INVS: variants seen among roughly 807,000 people sequenced by gnomAD.
INVS encodes inversion of embryo turning homolog.
Under a neutral mutation model 108.8 loss-of-function variants are expected in INVS, and 86 were observed. That is an observed-to-expected ratio of 0.79 (90% CI 0.66 to 0.95). The LOEUF (loss-of-function observed/expected upper bound fraction) is 0.95, where lower values mean the gene tolerates loss of function less well. INVS is among the 40% of genes least tolerant of loss of function. The pLI is 0.00. For synonymous variants in INVS, 455 were observed against 473.5 expected, an observed-to-expected ratio of 0.96 and a Z score of 0.51; for missense variants, 1,169 against 1,297.4, an observed-to-expected ratio of 0.90 and a Z score of 1.52.
intron 16 of INVS, among the ~76,000 whole-genome samples, chr9:100,299,481 C>T (rs547825161): frequency 5.9e-4 from 90 of 151,344 alleles, no homozygotes; most frequent in African/African-American, 2.2e-3. Context: ...TCAATCCCTG[C>T]TCATGTCAGT....
In INVS at chr9:100,240,178, G is replaced by T. The variant is rs779839073; in HGVS notation, c.734G>T (p.Ser245Ile). 12 of 1,613,922 alleles carry T rather than the reference G, an allele frequency of 7.4e-6. No homozygotes were observed. Among genetic ancestry groups the T allele is most frequent in the Admixed American group, 1.7e-5 (1 of 59,990 alleles). ...GTTGATGTCTTGACCTCATATGAAAGCTGCAATATAACGTCTTATGATAAC... is the reference window on the plus strand; with the variant it reads ...GTTGATGTCTTGACCTCATATGAAATCTGCAATATAACGTCTTATGATAAC... ...TVVDVLTSYE[S>I]CNITSYDNLF... The change falls in exon 6 of 17, where the codon AGC becomes ATC. Residue 245 changes from serine to isoleucine, a missense_variant. Ser to Ile is a moderately radical substitution (Grantham distance 142, BLOSUM62 -2). This residue lies in a region of INVS where 365 missense variants were observed against 397.5 expected (regional missense o/e 0.92). Coordinates refer to ENST00000262457, the MANE Select transcript of INVS (RefSeq NM_014425.5).
At chr9:100,196,914 C>A (rs971055108) in intron 3 of INVS, among the ~76,000 whole-genome samples, 1 of 152,182 alleles carries the variant, frequency 6.6e-6, no homozygotes, top group South Asian at 2.1e-4. Context: ...TCACTCGACA[C>A]AAAATCAACA....
chr9:100,289,160 T>A (rs1212295310), intron 13 of INVS, among the ~76,000 whole-genome samples: 2 of 152,242 alleles, frequency 1.3e-5, no homozygotes, highest in African/African-American at 4.8e-5. Context: ...ACCTGGAAAC[T>A]TCCTGAACTG....
chr9:100,136,094 A>C (rs1414615775), intron 3 of INVS, among the ~76,000 whole-genome samples: 3 of 152,176 alleles, frequency 2.0e-5, no homozygotes, highest in Non-Finnish European at 4.4e-5. Flanking sequence ...AAATATGATA[A>C]GAATTAAAAG....
chr9:100,155,040 C>T (rs1335952227), intron 3 of INVS, among the ~76,000 whole-genome samples: 1 of 151,884 alleles, frequency 6.6e-6, no homozygotes, highest in African/African-American at 2.4e-5. Context: ...TGGTGAAACC[C>T]CATCTCTACT....
Position 100,293,063 on chromosome 9 carries a change from C to T in INVS, c.2786+20C>T. The T allele has an allele frequency of 6.3e-7, 1 of 1,589,916 alleles. No homozygotes were observed. The highest frequency in any genetic ancestry group is 8.6e-7 in the Non-Finnish European group (1 of 1,159,208). On this transcript the variant is annotated intron_variant, in intron 14 of 16. Transcript: ENST00000262457. ...GCGAAGGTAGGAAAATGGGGTGCTG[C>T]CGCATCTGTGGTTCTTTGTTACTGA...
chr9:100,275,347 A>G (rs565751945), intron 12 of INVS, among the ~76,000 whole-genome samples: 44 of 152,188 alleles, frequency 2.9e-4, no homozygotes, highest in Non-Finnish European at 5.7e-4. Flanking sequence ...GTGACAATCT[A>G]TTTTCAAAAT....
At chr9:100,163,284 C>T (rs1418031391) in intron 3 of INVS, among the ~76,000 whole-genome samples, 1 of 150,972 alleles carries the variant, frequency 6.6e-6, no homozygotes, top group African/African-American at 2.4e-5. Flanking sequence ...GTAACAAACG[C>T]GGGCACCACC....
At chr9:100,143,584 C>T (rs1828502162) in intron 3 of INVS, among the ~76,000 whole-genome samples, 1 of 151,858 alleles carries the variant, frequency 6.6e-6, no homozygotes, top group Non-Finnish European at 1.5e-5. Context: ...AGGCTTTGAA[C>T]TGGGGGAAAA....
At chr9:100,116,827 A>G (rs909713792) in intron 2 of INVS, 8 of 1,373,284 alleles carry the variant, frequency 5.8e-6, no homozygotes, top group Non-Finnish European at 7.9e-6. Flanking sequence ...CGAGTTGGTC[A>G]GTGAATTCCT....
intron 3 of INVS, among the ~76,000 whole-genome samples, chr9:100,140,349 G>A (rs1054075231): frequency 6.6e-6 from 1 of 152,126 alleles, no homozygotes; most frequent in African/African-American, 2.4e-5. Flanking sequence ...ACAGTCAAAG[G>A]GGGGTTGTTC....
chr9:100,301,146 C>A lies in INVS; in HGVS notation c.*472C>A, dbSNP rs1213300974. The A allele has an allele frequency of 1.8e-5, 2 of 108,196 alleles. No individual in the cohort carries two copies. Among genetic ancestry groups the A allele is most frequent in the African/African-American group, 1.1e-4 (2 of 18,032 alleles). The allele number at this position is 108,196 out of a possible 1,614,324, so 6.7% of individuals were successfully genotyped here. A position where few individuals can be genotyped will look rare whatever the true frequency, so the allele number is the denominator to read the frequency against. On this transcript the variant is annotated 3_prime_UTR_variant, in exon 17 of 17. Transcript: ENST00000262457. The stretch of plus-strand genomic sequence containing the variant: ...TCTAATGCAACAAACTTATCACACA[C>A]ACACACACACACACACACACACACA...
chr9:100,176,096 A>C, intron 3 of INVS: 1 of 470,112 alleles, frequency 2.1e-6, no homozygotes, highest in Non-Finnish European at 4.1e-6. Context: ...CAGTCTGGGC[A>C]CTGGCTGAAT....
chr9:100,143,462 GA>G (rs1352108903), intron 3 of INVS, among the ~76,000 whole-genome samples: 1 of 152,094 alleles, frequency 6.6e-6, no homozygotes, highest in African/African-American at 2.4e-5. Flanking sequence ...GGGTAAGGGT[GA>G]TTAGGTTTTA....
rs1588103280 is a variant in INVS, at chr9:100,226,160, C to T, written c.372C>T (p.His124=). The change falls in exon 4 of 17, where the codon CAC becomes CAT. Residue 124 remains histidine (H), a synonymous_variant. Transcript: ENST00000262457. ...CTCCTTTGCACTTGACCACCCGGCA[C>T]AGGAGCCCTAAGTGTTTGGCACTTC... ...EMTPLHLTTR[H]RSPKCLALLL... 1.9e-6 allele frequency: 3 copies of T among 1,614,048 alleles called. No individual in the cohort carries two copies. Among genetic ancestry groups the T allele is most frequent in the Non-Finnish European group, 2.5e-6 (3 of 1,179,994 alleles).
intron 3 of INVS, among the ~76,000 whole-genome samples, chr9:100,137,293 G>C (rs928622976): frequency 6.6e-6 from 1 of 152,124 alleles, no homozygotes; most frequent in Admixed American, 6.5e-5. Context: ...GAAACCTTAG[G>C]AATATAGGGG....
chr9:100,166,427 G>A (rs908895114), intron 3 of INVS, among the ~76,000 whole-genome samples: 8 of 152,174 alleles, frequency 5.3e-5, no homozygotes, highest in Non-Finnish European at 1.0e-4. Flanking sequence ...AGAAGCTGAG[G>A]TGGAAGGACC....
At chr9:100,249,567 T>G (rs1057329547) in intron 8 of INVS, among the ~76,000 whole-genome samples, 18 of 151,974 alleles carry the variant, frequency 1.2e-4, no homozygotes, top group Non-Finnish European at 1.0e-4. Flanking sequence ...TGATCTCAGC[T>G]CACTGCAACC....
chr9:100,299,950 TAAACC>T (rs1833914680), intron 16 of INVS, among the ~76,000 whole-genome samples: 1 of 152,236 alleles, frequency 6.6e-6, no homozygotes, highest in Admixed American at 6.5e-5. Flanking sequence ...TAAAAACTAC[TAAACC>T]TTTAATGTAT....
Sources: gnomAD v4.1 joint callset for allele counts (sites outside exome capture counted in the v4.1 genomes callset) on GRCh38, gnomAD v4.1.1 for gene constraint, gnomAD v4.1.1 regional missense constraint, MANE v1.5 for transcripts, NCBI Gene and HGNC (gene_info 2026-07-23, HGNC 2026-07-21) for gene names.